TRIOBP: variants seen among roughly 807,000 people sequenced by gnomAD.
TRIOBP encodes the protein TRIO and F-actin binding protein, also known as TRIO and F-actin-binding protein.
A neutral mutation model predicts 238.8 loss-of-function variants in TRIOBP; 169 were observed. That is an observed-to-expected ratio of 0.71 (90% CI 0.62 to 0.80). The LOEUF (loss-of-function observed/expected upper bound fraction) is 0.80. TRIOBP is among the 30% of genes least tolerant of loss of function. The pLI is 0.00. For synonymous variants in TRIOBP, 1,150 were observed against 1,274.4 expected (o/e 0.90, Z 2.08); for missense variants, 2,838 against 3,122.6 (o/e 0.91, Z 2.17).
At chr22:37,769,887 C>T (rs1044737451) in intron 21 of TRIOBP, among the ~76,000 whole-genome samples, 1 of 151,764 alleles carries the variant, frequency 6.6e-6, no homozygotes, top group Admixed American at 6.6e-5. Context: ...CACCACCACA[C>T]CCAGCTAATT....
chr22:37,759,362 G>T, intron 17 of TRIOBP, 98 bp downstream of exon 17: 1 of 1,347,380 alleles, frequency 7.4e-7, no homozygotes, highest in Non-Finnish European at 1.1e-6. Flanking sequence ...TCCTGTGTGT[G>T]CTGGAACCTG....
chr22:37,734,778 C>T lies in TRIOBP; in HGVS notation c.4442C>T (p.Ser1481Phe), dbSNP rs192854064. The T allele has an allele frequency of 4.8e-5, 77 of 1,612,198 alleles. No individual in the cohort carries two copies. In the East Asian group the frequency reaches 1.5e-3, roughly 32 times the overall value. Residue 1481 changes from serine to phenylalanine, a missense_variant, in exon 9 of 24, where the codon TCC becomes TTC. By Grantham distance (155) the Ser-to-Phe change is radical. This residue lies in a region of TRIOBP where 2,096 missense variants were observed against 2,137.4 expected (regional missense o/e 0.98). Coordinates refer to ENST00000644935, the MANE Select transcript of TRIOBP (RefSeq NM_001039141.3). ...CCGGAGGGAGCATGGGGGGGCACTT[C>T]CAGGGAGTACAAGGAGAGCTGGGGG... ...KAPEGAWGGTSREYKESWGQP... is the reference protein window; with the variant it reads ...KAPEGAWGGTFREYKESWGQP...
intron 11 of TRIOBP, among the ~76,000 whole-genome samples, chr22:37,741,565 T>C (rs148136583): frequency 2.7e-4 from 41 of 152,312 alleles, no homozygotes; most frequent in Non-Finnish European, 5.4e-4. Flanking sequence ...AGAAGGGGCC[T>C]GGCCATCTCC....
chr22:37,705,814 A>C (rs1025072333), intron 3 of TRIOBP, among the ~76,000 whole-genome samples: 3 of 152,082 alleles, frequency 2.0e-5, no homozygotes, highest in Admixed American at 6.6e-5. Context: ...GGCCTCAAGC[A>C]ATCTGCCCTC....
chr22:37,698,763 G>T (rs73409439), intron 2 of TRIOBP, among the ~76,000 whole-genome samples: 8,265 of 152,096 alleles, frequency 0.054, 280 homozygotes, highest in South Asian at 0.1. Context: ...AATCATTTGA[G>T]CCCGGGAGTT....
intron 6 of TRIOBP, among the ~76,000 whole-genome samples, chr22:37,720,812 G>T (rs1923783180): frequency 6.6e-6 from 1 of 151,946 alleles, no homozygotes; most frequent in Non-Finnish European, 1.5e-5. Flanking sequence ...TACCAGGCAT[G>T]AAACGTATTT....
intron 6 of TRIOBP, among the ~76,000 whole-genome samples, chr22:37,719,989 C>CACACTGCACTCACTGTTTCACTCCA (rs367687004): frequency 1.4e-5 from 1 of 71,208 alleles, no homozygotes; most frequent in African/African-American, 6.1e-5. Context: ...TTTCACTCAT[C>CACACTGCACTCACTGTTTCACTCCA]CCCCCCCGCC....
chr22:37,746,215 G>GAAAAA (rs58335859), intron 11 of TRIOBP: 4,168 of 963,898 alleles, frequency 4.3e-3, no homozygotes, highest in South Asian at 6.4e-3. Context: ...CAGGAAGTTT[G>GAAAAA]AAAAAAAAAA....
intron 17 of TRIOBP, chr22:37,760,461 T>C (rs1217725483): frequency 2.0e-5 from 3 of 152,228 alleles, no homozygotes; most frequent in Admixed American, 6.5e-5. Flanking sequence ...ATTTCCACCA[T>C]GCGGATACAG....
intron 3 of TRIOBP, 61 bp downstream of exon 3, chr22:37,701,540 G>T: frequency 8.1e-7 from 1 of 1,240,540 alleles, no homozygotes; most frequent in Non-Finnish European, 1.2e-6. Flanking sequence ...GAAGGACTGG[G>T]CCTGTGGTGT....
intron 18 of TRIOBP, among the ~76,000 whole-genome samples, chr22:37,766,425 G>A (rs1438573832): frequency 2.6e-5 from 4 of 152,278 alleles, no homozygotes; most frequent in African/African-American, 9.6e-5. Flanking sequence ...CAACCTGCCA[G>A]TGCTGTGCCA....
Position 37,771,576 on chromosome 22 carries a change from C to T in TRIOBP, c.6850-74C>T, listed in dbSNP as rs1045738013. 2.2e-5 allele frequency: 30 copies of T among 1,370,500 alleles called. No individual in the cohort carries two copies. The Admixed American group carries it at 3.7e-4, about 17-fold the overall frequency. The allele number at this position is 1,370,500 out of a possible 1,614,324, so 84.9% of individuals were successfully genotyped here. A position where few individuals can be genotyped will look rare whatever the true frequency, so the allele number is the denominator to read the frequency against. ...CTAGGGGCCTGAGGCAGAGAGAACCCGGGCTGCAGGGCACTATGGGCCAGG... is the reference window on the plus strand; with the variant it reads ...CTAGGGGCCTGAGGCAGAGAGAACCTGGGCTGCAGGGCACTATGGGCCAGG... On this transcript the variant is annotated intron_variant, in intron 21 of 23. Transcript: ENST00000644935.
intron 7 of TRIOBP, among the ~76,000 whole-genome samples, chr22:37,728,708 C>G (rs1316371668): frequency 6.6e-6 from 1 of 152,162 alleles, no homozygotes; most frequent in Non-Finnish European, 1.5e-5. Flanking sequence ...ATCCTCCTTT[C>G]TTGGCCTCTC....
At chr22:37,767,285 AC>A (rs57033006) in intron 18 of TRIOBP, among the ~76,000 whole-genome samples, 3 of 108,458 alleles carry the variant, frequency 2.8e-5, no homozygotes, top group Admixed American at 9.3e-5. Flanking sequence ...CTCCTGGGTG[AC>A]AGAGTGAGAC....
At chr22:37,746,256 C>A in intron 11 of TRIOBP, 1 of 1,072,654 alleles carries the variant, frequency 9.3e-7, no homozygotes, top group Non-Finnish European at 1.1e-6. Context: ...ATGGAAGGGG[C>A]CGGGGCAGCG....
intron 17 of TRIOBP, 94 bp from the exon 18 acceptor site, chr22:37,765,576 T>A: frequency 6.6e-7 from 1 of 1,512,566 alleles, no homozygotes; most frequent in Non-Finnish European, 8.9e-7. Flanking sequence ...GGAGGTGGTG[T>A]ACCTGCCCCT....
At chr22:37,741,304 A>G (rs1366239397) in intron 11 of TRIOBP, among the ~76,000 whole-genome samples, 1 of 152,126 alleles carries the variant, frequency 6.6e-6, no homozygotes, top group Non-Finnish European at 1.5e-5. Context: ...GAAAGCTTCC[A>G]ATCAGCAGCC....
intron 3 of TRIOBP, among the ~76,000 whole-genome samples, chr22:37,703,836 C>G (rs1401840890): frequency 6.6e-6 from 1 of 152,032 alleles, no homozygotes; most frequent in Non-Finnish European, 1.5e-5. Flanking sequence ...AATAATAGCT[C>G]TCTTGTGCTC....
intron 18 of TRIOBP, among the ~76,000 whole-genome samples, chr22:37,767,179 C>A (rs144158577): frequency 6.6e-6 from 1 of 151,154 alleles, no homozygotes; most frequent in African/African-American, 2.4e-5. Context: ...TGAAAGTGGG[C>A]GGCAAAGGTT....
Sources: gnomAD v4.1 joint callset for allele counts (sites outside exome capture counted in the v4.1 genomes callset) on GRCh38, gnomAD v4.1.1 for gene constraint, gnomAD v4.1.1 regional missense constraint, MANE v1.5 for transcripts, NCBI Gene and HGNC (gene_info 2026-07-23, HGNC 2026-07-21) for gene names.